The following MED13 variants were observed in gnomAD, a reference collection of about 807,000 sequenced individuals.
The protein encoded by MED13 is mediator of RNA polymerase II transcription subunit 13.
In MED13, 23 loss-of-function variants were observed where a neutral mutation model predicts 225.2. The ratio of observed to expected loss-of-function variants is 0.10; its 90% CI spans 0.07 to 0.14. MED13 has a LOEUF of 0.14. Among genes scored for constraint, MED13 ranks in the 10% least tolerant of loss-of-function variants. MED13 has a pLI of 1.00. For missense variants in MED13, 2,197 were observed against 2,594.5 expected, an observed-to-expected ratio of 0.85 and a Z score of 3.33; for synonymous variants, 942 against 889.2, an observed-to-expected ratio of 1.06 and a Z score of -1.06.
rs2081071296 is a variant in MED13, at chr17:62,065,123, C to T, written c.66+17G>A. 3 of 1,539,828 alleles carry T rather than the reference C, an allele frequency of 1.9e-6. No individual in the cohort carries two copies. Among genetic ancestry groups the T allele is most frequent in the Non-Finnish European group, 2.6e-6 (3 of 1,145,082 alleles). ...CGCGGCCCCCCTCCCTCGGCGCCCG[C>T]CGGCCCCGGCACTCACCAGGCAGAA... is the stretch of plus-strand genomic sequence containing the variant. On this transcript the variant is annotated intron_variant, in intron 1 of 29. Transcript: ENST00000397786.
intron 25 of MED13, 54 bp from the exon 26 acceptor site, chr17:61,955,621 A>G: frequency 6.4e-7 from 1 of 1,557,068 alleles, no homozygotes; most frequent in South Asian, 1.2e-5. Flanking sequence ...ATTGTATATA[A>G]TACTTAAAAA....
Position 61,961,594 on chromosome 17 carries a change from A to T in MED13, c.5250T>A (p.Ser1750Arg). Reference sequence around the variant, plus strand: ...ATGAAAAACATATACTTACATCAGGACTTCTAAGGGCAGTTTCCATGGCTA... The same window carrying T: ...ATGAAAAACATATACTTACATCAGGTCTTCTAAGGGCAGTTTCCATGGCTA... ...PGLAMETALR[S>R]PDRPECIRLY... The change falls in exon 22 of 30, where the codon AGT becomes AGA. Residue 1750 changes from serine (S) to arginine (R), a missense_variant. Physicochemically the swap from Ser to Arg is moderately radical, Grantham distance 110 (BLOSUM62 -1). Transcript: ENST00000397786. 6.2e-7 allele frequency: 1 copy of T among 1,611,482 alleles called. No homozygotes were observed. Among genetic ancestry groups the T allele is most frequent in the Non-Finnish European group, 8.5e-7 (1 of 1,179,098 alleles).
At chr17:62,001,540 T>C (rs1567969678) in intron 9 of MED13, among the ~76,000 whole-genome samples, 1 of 152,186 alleles carries the variant, frequency 6.6e-6, no homozygotes, top group Non-Finnish European at 1.5e-5. Context: ...AAGGATAATA[T>C]ACAAACTTAT....
chr17:62,035,948 T>C (rs181923140), intron 3 of MED13, among the ~76,000 whole-genome samples: 1 of 152,038 alleles, frequency 6.6e-6, no homozygotes, highest in Non-Finnish European at 1.5e-5. Flanking sequence ...GGTCAATTTT[T>C]TTTTTCTTTT....
Position 61,962,936 on chromosome 17 carries a change from T to C in MED13, c.4880A>G (p.Asp1627Gly). ...ATACGTGACTGCATGTGAATCACCATCTGTGGGGATTCCCACTTTATCCCG... is the reference window on the plus strand; with the variant it reads ...ATACGTGACTGCATGTGAATCACCACCTGTGGGGATTCCCACTTTATCCCG... ...MDRDKVGIPTDGDSHAVTYPP... is the reference protein window; with the variant it reads ...MDRDKVGIPTGGDSHAVTYPP... Residue 1627 changes from aspartate to glycine, a missense_variant, in exon 21 of 30, where the codon GAT becomes GGT. Coordinates refer to ENST00000397786, the MANE Select transcript of MED13 (RefSeq NM_005121.3). 6.2e-7 allele frequency: 1 copy of C among 1,614,038 alleles called. No homozygotes were observed.
chr17:62,021,030 C>T (rs1332901762), intron 8 of MED13, among the ~76,000 whole-genome samples: 2 of 150,764 alleles, frequency 1.3e-5, no homozygotes, highest in South Asian at 2.1e-4. Context: ...AACAGGATCA[C>T]AAGGCAGAAG....
At chr17:61,994,030 T>C (rs2080326705) in intron 10 of MED13, among the ~76,000 whole-genome samples, 1 of 151,976 alleles carries the variant, frequency 6.6e-6, no homozygotes, top group Non-Finnish European at 1.5e-5. Flanking sequence ...AACGGAGTAT[T>C]GCTCTGTCAC....
At chr17:61,951,123 A>C (rs2079892939) in intron 27 of MED13, 125 bp from the exon 28 acceptor site, 1 of 672,966 alleles carries the variant, frequency 1.5e-6, no homozygotes, top group African/African-American at 1.8e-5. Context: ...AAAATACTGA[A>C]GGATATTGAA....
intron 3 of MED13, among the ~76,000 whole-genome samples, chr17:62,045,784 T>G (rs1290137661): frequency 6.6e-6 from 1 of 152,204 alleles, no homozygotes. Context: ...GAAGACTGGT[T>G]TGTTCCTGTG....
intron 9 of MED13, among the ~76,000 whole-genome samples, chr17:62,009,652 T>G (rs1239174943): frequency 1.3e-5 from 2 of 152,172 alleles, no homozygotes; most frequent in Non-Finnish European, 2.9e-5. Context: ...TACCAGTTGC[T>G]GAACTGCAAC....
At chr17:61,985,166 A>G in intron 12 of MED13, 76 bp from the exon 13 acceptor site, 1 of 1,216,596 alleles carries the variant, frequency 8.2e-7, no homozygotes, top group Non-Finnish European at 1.2e-6. Flanking sequence ...TTCAGATATA[A>G]CTTAACAGTA....
rs1367803046 is a variant in MED13 at position 62,029,609 on chromosome 17, C to A, written c.1215G>T (p.Ala405=). 2 of 1,614,010 alleles carry A rather than the reference C, an allele frequency of 1.2e-6. No individual in the cohort carries two copies. Among genetic ancestry groups the A allele is most frequent in the Non-Finnish European group, 1.7e-6 (2 of 1,180,008 alleles). Residue 405 remains alanine (A), a synonymous_variant, in exon 8 of 30, where the codon GCG becomes GCT. Coordinates refer to ENST00000397786, the MANE Select transcript of MED13 (RefSeq NM_005121.3). The part of the protein sequence containing the change: ...SASSGGLCEE[A]TAAKVASWDF... ...CCCAGGATGCCACTTTAGCAGCTGT[C>A]GCTTCTTCGCATAGACCACCTGATG...
chr17:61,975,665 G>A (rs958520490), intron 16 of MED13, among the ~76,000 whole-genome samples: 1 of 152,136 alleles, frequency 6.6e-6, no homozygotes, highest in Non-Finnish European at 1.5e-5. Context: ...GTTGCAATGA[G>A]CCAAGATCGT....
At chr17:61,984,533 GTCC>G (rs1438441544) in intron 14 of MED13, 115 bp downstream of exon 14, 13 of 961,328 alleles carry the variant, frequency 1.4e-5, no homozygotes, top group South Asian at 1.9e-5. Context: ...CAATAATTCA[GTCC>G]TCAACTTAGC....
intron 17 of MED13, among the ~76,000 whole-genome samples, chr17:61,968,507 T>C (rs1296625053): frequency 1.3e-5 from 2 of 152,108 alleles, no homozygotes; most frequent in African/African-American, 4.8e-5. Flanking sequence ...TTGTATTTTT[T>C]AGTAGAGACG....
intron 16 of MED13, among the ~76,000 whole-genome samples, chr17:61,974,064 T>C (rs2143415885): frequency 6.6e-6 from 1 of 152,214 alleles, no homozygotes; most frequent in East Asian, 1.9e-4. Context: ...TAATATGTAA[T>C]ATGCTTAAAT....
chr17:61,960,510 G>C (rs930748080), intron 23 of MED13, among the ~76,000 whole-genome samples: 3 of 152,018 alleles, frequency 2.0e-5, no homozygotes, highest in Admixed American at 1.3e-4. Flanking sequence ...CAGTTTATTA[G>C]GGGCTATATC....
At chr17:61,956,254 CA>C in intron 24 of MED13, 84 bp downstream of exon 24, 1 of 1,285,914 alleles carries the variant, frequency 7.8e-7, no homozygotes, top group East Asian at 2.5e-5. Flanking sequence ...GCATTTTATT[CA>C]ACATATATAC....
chr17:61,964,010 C>T (rs1024954419), intron 20 of MED13, among the ~76,000 whole-genome samples: 5 of 152,112 alleles, frequency 3.3e-5, no homozygotes, highest in South Asian at 4.1e-4. Context: ...AGAGTTTCCC[C>T]GAAGTCACAA....
Sources: allele counts gnomAD v4.1 joint callset (sites outside exome capture counted in the v4.1 genomes callset), GRCh38; gene constraint gnomAD v4.1.1; transcripts MANE v1.5; gene names NCBI Gene and HGNC (gene_info 2026-07-23, HGNC 2026-07-21).